ABCB5: variants seen among roughly 807,000 people sequenced by gnomAD.
The protein encoded by ABCB5 is ATP-binding cassette sub-family B member 5.
In ABCB5, 155 loss-of-function variants were observed where a neutral mutation model predicts 144.2. The observed-to-expected ratio is 1.08, with a 90% CI of 0.94 to 1.23. The LOEUF (loss-of-function observed/expected upper bound fraction) is 1.23. Among genes scored for constraint, ABCB5 ranks in the 50% most tolerant of loss-of-function variants. The pLI is 0.00. For missense variants in ABCB5, 1,830 were observed against 1,520.8 expected, an observed-to-expected ratio of 1.20 and a Z score of -3.38; for synonymous variants, 610 against 528.6, an observed-to-expected ratio of 1.15 and a Z score of -2.11.
In ABCB5 at chr7:20,633,609, G is replaced by C. The variant is rs539725614; in HGVS notation, c.314+1496G>C. Reference sequence around the variant, plus strand: ...TATCTCAAACATTTGTCGTTTCTTCGTATTGGGAATGTTCAGTATCTTTCT... The same window carrying C: ...TATCTCAAACATTTGTCGTTTCTTCCTATTGGGAATGTTCAGTATCTTTCT... On this transcript the variant is annotated intron_variant, in intron 5 of 27. Transcript: ENST00000404938. Among the ~76,000 whole-genome samples the C allele has an allele frequency of 3.3e-5, 5 of 152,118 alleles. No individual in the cohort carries two copies. The South Asian group carries it at 6.2e-4, about 19-fold the overall frequency.
In ABCB5 at chr7:20,723,013, T is replaced by C. The variant is rs1025282968; in HGVS notation, c.2422-3T>C. The stretch of plus-strand genomic sequence containing the variant: ...TTTTCCCCCAAAATATGTCTGATTA[T>C]AGGCAACAGGTTCCAGGATTGGCGT... On this transcript the variant is annotated splice_region_variant and splice_polypyrimidine_tract_variant and intron_variant, in intron 20 of 27. Transcript: ENST00000404938. 3.1e-6 allele frequency: 5 copies of C among 1,613,846 alleles called. No individual in the cohort carries two copies. Among genetic ancestry groups the C allele is most frequent in the East Asian group, 2.2e-5 (1 of 44,880 alleles).
intron 15 of ABCB5, among the ~76,000 whole-genome samples, chr7:20,683,306 C>T (rs1785886241): frequency 6.6e-6 from 1 of 152,016 alleles, no homozygotes; most frequent in South Asian, 2.1e-4. Context: ...CATATTAGTT[C>T]ACATTTTGTG....
At chr7:20,714,416 G>C (rs73684823) in intron 20 of ABCB5, among the ~76,000 whole-genome samples, 2,229 of 151,180 alleles carry the variant, frequency 0.015, 46 homozygotes, top group African/African-American at 0.051. Context: ...AATTTCTTCT[G>C]ATTCCAGTTT....
At chr7:20,710,391 G>T (rs1786989560) in intron 20 of ABCB5, among the ~76,000 whole-genome samples, 1 of 115,716 alleles carries the variant, frequency 8.6e-6, no homozygotes, top group Non-Finnish European at 1.8e-5. Flanking sequence ...AGTGGGGGGG[G>T]GGCATGACTG....
At chr7:20,704,305 A>T (rs546436984) in intron 19 of ABCB5, among the ~76,000 whole-genome samples, 1 of 152,050 alleles carries the variant, frequency 6.6e-6, no homozygotes, top group Admixed American at 6.5e-5. Flanking sequence ...TCGACCCCCT[A>T]GACTCAATCC....
intron 14 of ABCB5, among the ~76,000 whole-genome samples, chr7:20,669,490 G>A (rs1269394571): frequency 1.6e-5 from 2 of 125,284 alleles, no homozygotes; most frequent in Non-Finnish European, 3.2e-5. Flanking sequence ...GATTAAGGGC[G>A]GTGCAAGATG....
chr7:20,738,946 G>A (rs201042842), intron 23 of ABCB5, 37 bp from the exon 24 acceptor site: 10 of 1,533,918 alleles, frequency 6.5e-6, no homozygotes, highest in Non-Finnish European at 7.0e-6. Context: ...ACAAAGGATC[G>A]ATGGACCTAA....
rs868813862 is a variant in ABCB5 at position 20,711,852 on chromosome 7, T to C, written c.2421+7045T>C. 1.6e-3 allele frequency among the ~76,000 whole-genome samples: 124 copies of C among 76,900 alleles called. 14 individuals carry two copies. Among genetic ancestry groups the C allele is most frequent in the African/African-American group, 6.8e-3 (119 of 17,420 alleles). The allele number at this position is 76,900 out of a possible 152,430, so 50.4% of individuals were successfully genotyped here. A position where few individuals can be genotyped will look rare whatever the true frequency, so the allele number is the denominator to read the frequency against. On this transcript the variant is annotated intron_variant, in intron 20 of 27. Coordinates refer to ENST00000404938, the MANE Select transcript of ABCB5 (RefSeq NM_001163941.2). ...TCTTTCTTTCTTTCTTTCTTTTCTT[T>C]CTTTCTTTCCTTCCTCCCTCCCTCC...
At position 20,667,905 on chromosome 7, in the gene ABCB5, G is replaced by T. The variant is rs1390893870; in HGVS notation, c.1707+9229G>T. Among the ~76,000 whole-genome samples the T allele has an allele frequency of 2.9e-5, 4 of 140,006 alleles. No individual in the cohort carries two copies. The East Asian group carries it at 6.4e-4, about 22-fold the overall frequency. 91.8% of individuals were successfully genotyped at this position (140,006 alleles called of 152,430 possible). ...CCTGACTGGTTTTCGTTTTTTTTTT[G>T]GTGGAGACGGGGTTTTGCTCTGTTG... On this transcript the variant is annotated intron_variant, in intron 14 of 27. Coordinates refer to ENST00000404938, the MANE Select transcript of ABCB5 (RefSeq NM_001163941.2).
intron 5 of ABCB5, among the ~76,000 whole-genome samples, chr7:20,637,556 GA>G (rs1257952314): frequency 7.2e-5 from 11 of 151,980 alleles, no homozygotes; most frequent in Non-Finnish European, 1.6e-4. Flanking sequence ...GAGTAGCTGG[GA>G]ATACAAGCAT....
rs781458217 is a variant in ABCB5, at chr7:20,651,442, T to C, written c.1355T>C (p.Ile452Thr). The change falls in exon 13 of 28, where the codon ATC becomes ACC. Residue 452 changes from isoleucine to threonine, a missense_variant. Transcript: ENST00000404938. Reference protein sequence around the residue: ...DGFIMVDENDIRALNVRHYRD... With the variant: ...DGFIMVDENDTRALNVRHYRD... ...CAGATCATGGTGGATGAGAATGACA[T>C]CAGAGCTTTAAATGTGCGGCATTAT... 6.2e-7 allele frequency: 1 copy of C among 1,614,080 alleles called. No individual in the cohort carries two copies.
intron 14 of ABCB5, among the ~76,000 whole-genome samples, chr7:20,666,022 T>C (rs1785180381): frequency 6.7e-6 from 1 of 150,164 alleles, no homozygotes; most frequent in African/African-American, 2.5e-5. Context: ...ATACAAAAAT[T>C]AGCCGGGCGT....
chr7:20,690,598 G>A (rs562007047), intron 16 of ABCB5, among the ~76,000 whole-genome samples: 5 of 152,280 alleles, frequency 3.3e-5, no homozygotes, highest in Middle Eastern at 3.4e-3. Context: ...ACAGTGTGTG[G>A]GGGCCAGAGT....
chr7:20,672,095 T>TCC (rs1398593334), intron 14 of ABCB5, among the ~76,000 whole-genome samples: 1 of 152,172 alleles, frequency 6.6e-6, no homozygotes, highest in Non-Finnish European at 1.5e-5. Flanking sequence ...ATATTAACCA[T>TCC]CCACATTTTT....
chr7:20,745,678 A>G (rs932400709), intron 26 of ABCB5, among the ~76,000 whole-genome samples: 4 of 152,172 alleles, frequency 2.6e-5, no homozygotes, highest in African/African-American at 7.2e-5. Flanking sequence ...ACATTTTGTT[A>G]TTTGCCTTCC....
intron 13 of ABCB5, among the ~76,000 whole-genome samples, chr7:20,654,407 C>T (rs1267454368): frequency 1.3e-5 from 2 of 152,060 alleles, no homozygotes; most frequent in Non-Finnish European, 2.9e-5. Flanking sequence ...AAAGACAAAT[C>T]CACAACTTTA....
chr7:20,632,446 A>G (rs2128019428), intron 5 of ABCB5, among the ~76,000 whole-genome samples: 1 of 152,284 alleles, frequency 6.6e-6, no homozygotes, highest in East Asian at 1.9e-4. Flanking sequence ...AAAAAATTAT[A>G]TTTCTTATGA....
At chr7:20,661,928 A>C (rs1398921638) in intron 14 of ABCB5, among the ~76,000 whole-genome samples, 1 of 152,128 alleles carries the variant, frequency 6.6e-6, no homozygotes, top group African/African-American at 2.4e-5. Context: ...AGCGTCAGTG[A>C]ATAAAGGTTC....
chr7:20,661,210 A>C (rs761610895), intron 14 of ABCB5, among the ~76,000 whole-genome samples: 11 of 152,270 alleles, frequency 7.2e-5, no homozygotes, highest in Non-Finnish European at 1.3e-4. Flanking sequence ...ACAAGGCTCT[A>C]TGGAGCTGGG....
Sources: gnomAD v4.1 joint callset for allele counts (sites outside exome capture counted in the v4.1 genomes callset) on GRCh38, gnomAD v4.1.1 for gene constraint, MANE v1.5 for transcripts, NCBI Gene and HGNC (gene_info 2026-07-23, HGNC 2026-07-21) for gene names.